The following SRCIN1 variants were observed in gnomAD, a reference collection of about 807,000 sequenced individuals.
SRCIN1 encodes P130Cas-associated protein.
SRCIN1 carries 50 observed loss-of-function variants against 116.2 expected under a neutral mutation model. That is an observed-to-expected ratio of 0.43 (90% CI 0.34 to 0.54). The LOEUF (loss-of-function observed/expected upper bound fraction) is 0.54. Ranked by LOEUF, SRCIN1 falls within the 20% of genes least tolerant of loss-of-function variation. SRCIN1 has a pLI of 0.02. For synonymous variants in SRCIN1, 736 were observed against 750.0 expected (o/e 0.98, Z 0.30); for missense variants, 1,446 against 1,672.0 (o/e 0.86, Z 2.36).
intron 1 of SRCIN1, among the ~76,000 whole-genome samples, chr17:38,583,557 T>TG (rs1159839951): frequency 5.4e-5 from 8 of 147,916 alleles, no homozygotes; most frequent in African/African-American, 1.7e-4. Flanking sequence ...TGTTTTTTTT[T>TG]TTTTTTTTTT....
chr17:38,551,555 C>T (rs1905410991), intron 14 of SRCIN1, 166 bp from the exon 15 acceptor site: 2 of 667,842 alleles, frequency 3.0e-6, no homozygotes, highest in South Asian at 1.9e-5. Flanking sequence ...TATCACATGG[C>T]ATCCCCATGG....
rs1369627649 is a variant in SRCIN1 at position 38,533,276 on chromosome 17, G to A, written c.*21C>T. On this transcript the variant is annotated 3_prime_UTR_variant, in exon 19 of 19. Coordinates refer to ENST00000617146, the MANE Select transcript of SRCIN1 (RefSeq NM_025248.3). ...CAGGAGTGAGGGAGGGGGACAGGCG[G>A]GGCAGCGGGGTGAGGGGCTTCTAGA... 2.0e-5 allele frequency: 31 copies of A among 1,539,682 alleles called. No individual in the cohort carries two copies. Among genetic ancestry groups the A allele is most frequent in the Non-Finnish European group, 2.7e-5 (31 of 1,138,828 alleles).
rs1174657023 is a variant in SRCIN1, at chr17:38,605,718, CG to C, written c.-14del. On this transcript the variant is annotated 5_prime_UTR_variant, in exon 1 of 19. Coordinates refer to ENST00000617146, the MANE Select transcript of SRCIN1 (RefSeq NM_025248.3). ...GAGCGTTCCCCATCGGGCGGGGGCG[CG>C]GGGGGCGGGGGCCCCGGGCCGGCCT... 9.5e-6 allele frequency: 10 copies of C among 1,055,990 alleles called. No individual in the cohort carries two copies. The highest frequency in any genetic ancestry group is 8.2e-5 in the East Asian group (2 of 24,468). 65.4% of individuals were successfully genotyped at this position (1,055,990 alleles called of 1,614,324 possible).
At chr17:38,547,826 A>T (rs2143061088) in intron 17 of SRCIN1, 1 of 208,878 alleles carries the variant, frequency 4.8e-6, no homozygotes, top group Non-Finnish European at 9.9e-6. Context: ...CAAGGTGGGG[A>T]TCAGCTGGCG....
Position 38,552,015 on chromosome 17 carries a change from G to C in SRCIN1, c.2598C>G (p.Ser866Arg). 1 of 1,613,948 alleles carries C rather than the reference G, an allele frequency of 6.2e-7. No individual in the cohort carries two copies. Among genetic ancestry groups the C allele is most frequent in the South Asian group, 1.1e-5 (1 of 91,092 alleles). The part of the protein sequence containing the change: ...KSVDFEMPPP[S>R]PPLNLHELSG... ...TCAGCTCATGCAGGTTCAGCGGGGG[G>C]CTGGGGGGTGGCATTTCGAAGTCCA... The change falls in exon 14 of 19, where the codon AGC (serine) becomes AGG (arginine). Residue 866 changes from serine (S) to arginine (R), a missense_variant. This residue lies in a region of SRCIN1 where 531 missense variants were observed against 633.9 expected (regional missense o/e 0.84). Coordinates refer to ENST00000617146, the MANE Select transcript of SRCIN1 (RefSeq NM_025248.3). This position sits in a 1 kb window ranked among gnomAD's most constrained non-coding sequence, Gnocchi z 5.3.
chr17:38,557,349 T>C (rs1727817286), intron 11 of SRCIN1, among the ~76,000 whole-genome samples: 1 of 152,188 alleles, frequency 6.6e-6, no homozygotes, highest in African/African-American at 2.4e-5. Context: ...TAATGCTGGG[T>C]ACAGATGAGG....
chr17:38,586,654 G>T (rs1050542996), intron 1 of SRCIN1, among the ~76,000 whole-genome samples: 1 of 152,194 alleles, frequency 6.6e-6, no homozygotes, highest in Non-Finnish European at 1.5e-5. Flanking sequence ...ACAGAAGCTG[G>T]GCATCCAATG....
intron 1 of SRCIN1, among the ~76,000 whole-genome samples, chr17:38,583,991 C>T (rs1907971527): frequency 6.6e-6 from 1 of 152,172 alleles, no homozygotes; most frequent in South Asian, 2.1e-4. Context: ...ACCTGAGCAG[C>T]CCAGGGAAAA....
intron 17 of SRCIN1, chr17:38,545,010 C>A (rs552997099): frequency 6.5e-6 from 1 of 152,728 alleles, no homozygotes; most frequent in African/African-American, 2.4e-5. Context: ...TGGCGCCCCA[C>A]GTGGTGCGGC....
chr17:38,588,985 C>T (rs1285650923), intron 1 of SRCIN1, among the ~76,000 whole-genome samples: 1 of 152,192 alleles, frequency 6.6e-6, no homozygotes, highest in South Asian at 2.1e-4. Flanking sequence ...CAGCAGGATT[C>T]CTCCGGGTTC....
intron 17 of SRCIN1, among the ~76,000 whole-genome samples, chr17:38,546,127 C>T (rs62075671): frequency 0.079 from 12,087 of 152,274 alleles, 501 homozygotes; most frequent in African/African-American, 0.098. Flanking sequence ...CAGAGGGAAG[C>T]CCCAAGTACC....
In SRCIN1 at chr17:38,559,591, C is replaced by A; in HGVS notation, c.2019G>T (p.Lys673Asn). ...GCCCAGGACGGGGCGGTACCTGGAG[C>A]TTGCGCAACTGCTGGAGCTGGCCGC... is the stretch of plus-strand genomic sequence containing the variant. The part of the protein sequence containing the change: ...DLRGQLQQLR[K>N]LQLQNQESVR... Residue 673 changes from lysine to asparagine, a missense_variant, in exon 10 of 19, where the codon AAG becomes AAT. Lys to Asn is a moderately conservative substitution (Grantham distance 94). Around this residue, in one of 5 missense-constraint regions of SRCIN1, gnomAD observed 398 missense variants for 385.6 expected, o/e 1.03. Transcript: ENST00000617146. 10 of 1,600,170 alleles carry A rather than the reference C, an allele frequency of 6.2e-6. No individual in the cohort carries two copies. The highest frequency in any genetic ancestry group is 8.5e-6 in the Non-Finnish European group (10 of 1,179,316).
chr17:38,567,567 A>C (rs1249659009), intron 3 of SRCIN1, among the ~76,000 whole-genome samples: 1 of 152,160 alleles, frequency 6.6e-6, no homozygotes, highest in African/African-American at 2.4e-5. Context: ...CAGAGACTCC[A>C]GGAGGCAAGC....
chr17:38,564,856 A>G (rs1314197535), intron 3 of SRCIN1, among the ~76,000 whole-genome samples: 1 of 152,018 alleles, frequency 6.6e-6, no homozygotes, highest in Admixed American at 6.6e-5. Context: ...AGCTGGACAC[A>G]GGGAATGTGC....
chr17:38,568,084 A>G lies in SRCIN1; in HGVS notation c.345+127T>C. ...GCCACAGCCTGCAGCCCCGAGGCCC[A>G]CCGCCCATACCAGAAGGTGTCCGTG... On this transcript the variant is annotated intron_variant, in intron 3 of 18. Coordinates refer to ENST00000617146, the MANE Select transcript of SRCIN1 (RefSeq NM_025248.3). The surrounding 1 kb of genome is among the most constrained non-coding windows in gnomAD (Gnocchi z 4.5). 1 of 1,188,950 alleles carries G rather than the reference A, an allele frequency of 8.4e-7. No homozygotes were observed. Among genetic ancestry groups the G allele is most frequent in the Non-Finnish European group, 1.2e-6 (1 of 816,390 alleles). The allele number at this position is 1,188,950 out of a possible 1,614,324, so 73.7% of individuals were successfully genotyped here. A position where few individuals can be genotyped will look rare whatever the true frequency, so the allele number is the denominator to read the frequency against.
At chr17:38,546,023 C>A (rs1217293463) in intron 17 of SRCIN1, among the ~76,000 whole-genome samples, 1 of 152,238 alleles carries the variant, frequency 6.6e-6, no homozygotes, top group African/African-American at 2.4e-5. Context: ...GGCTTGCCCC[C>A]TGACAAATCC....
In SRCIN1 at chr17:38,597,716, A is replaced by C. The variant is rs71384244; in HGVS notation, c.22+7968T>G. Among the ~76,000 whole-genome samples, 452 of 152,246 alleles carry C rather than the reference A, an allele frequency of 3.0e-3. 13 individuals are homozygous for C. In the East Asian group the frequency reaches 0.047, roughly 16 times the overall value. On this transcript the variant is annotated intron_variant, in intron 1 of 18. Transcript: ENST00000617146. ...TGACCCAGGAGCTAAACTGTCTCCT[A>C]TCCACTCCCACCCCTCTCTCAGTCT...
intron 18 of SRCIN1, among the ~76,000 whole-genome samples, chr17:38,535,496 C>A (rs564416184): frequency 3.3e-5 from 5 of 152,126 alleles, no homozygotes; most frequent in African/African-American, 1.2e-4. Flanking sequence ...CGTGAACCAC[C>A]GCGCCTGGCC....
intron 2 of SRCIN1, among the ~76,000 whole-genome samples, chr17:38,576,444 A>G (rs1907420663): frequency 6.6e-6 from 1 of 151,882 alleles, no homozygotes; most frequent in Non-Finnish European, 1.5e-5. Context: ...GATGTAGAAC[A>G]TTCCTGGTCC....
Sources: allele counts gnomAD v4.1 joint callset (sites outside exome capture counted in the v4.1 genomes callset), GRCh38; gene constraint gnomAD v4.1.1; regional missense constraint gnomAD v4.1.1; non-coding constraint Gnocchi (gnomAD v3.1); transcripts MANE v1.5; gene names NCBI Gene and HGNC (gene_info 2026-07-23, HGNC 2026-07-21).